The following ATP6V0D1 variants were observed in gnomAD, a reference collection of about 807,000 sequenced individuals.
ATP6V0D1 encodes the protein V-type proton ATPase subunit d 1.
In ATP6V0D1, 13 loss-of-function variants were observed where a neutral mutation model predicts 39.0. That is an observed-to-expected ratio of 0.33 (90% CI 0.22 to 0.53). The LOEUF is 0.53. Among genes scored for constraint, ATP6V0D1 ranks in the 20% least tolerant of loss-of-function variants. The pLI is 0.94. For synonymous variants in ATP6V0D1, 191 were observed against 191.2 expected (o/e 1.00, Z 0.01); for missense variants, 272 against 470.9 (o/e 0.58, Z 3.91).
chr16:67,480,823 C>G, intron 1 of ATP6V0D1, 134 bp downstream of exon 1: 4 of 1,309,424 alleles, frequency 3.1e-6, no homozygotes, highest in Admixed American at 4.8e-5. Context: ...CCTGCGCGTC[C>G]GCTATCAGCC....
intron 1 of ATP6V0D1, among the ~76,000 whole-genome samples, chr16:67,466,312 A>G (rs2041328700): frequency 6.9e-6 from 1 of 145,332 alleles, no homozygotes; most frequent in African/African-American, 2.6e-5. Context: ...GAAACCCTGT[A>G]TCTAGTAAAC....
intron 4 of ATP6V0D1, chr16:67,440,643 C>G (rs2041039259): frequency 6.6e-6 from 1 of 152,246 alleles, no homozygotes; most frequent in South Asian, 2.1e-4. Flanking sequence ...CATCAGCCAA[C>G]TTGGGCTCAC....
At chr16:67,457,633 C>G in intron 1 of ATP6V0D1, 1 of 1,289,442 alleles carries the variant, frequency 7.8e-7, no homozygotes. Context: ...TCTGGCATCC[C>G]TTGTGGCACC....
Position 67,453,967 on chromosome 16 carries a change from C to T in ATP6V0D1, c.131-252G>A, listed in dbSNP as rs755144014. On this transcript the variant is annotated intron_variant, in intron 1 of 7. Transcript: ENST00000290949. This position sits in a 1 kb window ranked among gnomAD's most constrained non-coding sequence, Gnocchi z 4.1. The stretch of plus-strand genomic sequence containing the variant: ...AGTTCGAGCATAAGAGGAACAGTTC[C>T]TCCCCAAGATGACAAGAAAGCCTGG... Among the ~76,000 whole-genome samples the T allele has an allele frequency of 1.3e-5, 2 of 152,212 alleles. No individual in the cohort carries two copies. Among genetic ancestry groups the T allele is most frequent in the Non-Finnish European group, 2.9e-5 (2 of 68,028 alleles).
At chr16:67,460,534 A>C (rs1010241276) in intron 1 of ATP6V0D1, among the ~76,000 whole-genome samples, 1 of 152,190 alleles carries the variant, frequency 6.6e-6, no homozygotes, top group Non-Finnish European at 1.5e-5. Context: ...CCTGCAGCAC[A>C]GTATGAGTGT....
At chr16:67,475,900 C>T (rs1378227513) in intron 1 of ATP6V0D1, among the ~76,000 whole-genome samples, 1 of 152,146 alleles carries the variant, frequency 6.6e-6, no homozygotes, top group Non-Finnish European at 1.5e-5. Flanking sequence ...GACTCTAGGT[C>T]TGGGTCAAGA....
intron 1 of ATP6V0D1, among the ~76,000 whole-genome samples, chr16:67,479,673 T>C (rs2041447583): frequency 6.6e-6 from 1 of 152,124 alleles, no homozygotes; most frequent in African/African-American, 2.4e-5. Flanking sequence ...CTCACGAAGT[T>C]TCTGACGAGA....
At chr16:67,479,341 G>A (rs2041443603) in intron 1 of ATP6V0D1, among the ~76,000 whole-genome samples, 2 of 151,696 alleles carry the variant, frequency 1.3e-5, no homozygotes, top group Non-Finnish European at 2.9e-5. Flanking sequence ...AGTCTCCCGA[G>A]TAGCTGGGAT....
Position 67,444,984 on chromosome 16 carries a change from A to G in ATP6V0D1, c.303-278T>C, listed in dbSNP as rs1261967199. ...CTGTGAGGGACTGGGACACGAGCTAACTACCCCACAGCATGAACAGTGTTC... is the reference window on the plus strand; with the variant it reads ...CTGTGAGGGACTGGGACACGAGCTAGCTACCCCACAGCATGAACAGTGTTC... On this transcript the variant is annotated intron_variant, in intron 2 of 7. Transcript: ENST00000290949. The surrounding 1 kb of genome is among the most constrained non-coding windows in gnomAD (Gnocchi z 4.8). 6.6e-6 allele frequency among the ~76,000 whole-genome samples: 1 copy of G among 152,222 alleles called. No individual in the cohort carries two copies.
intron 1 of ATP6V0D1, among the ~76,000 whole-genome samples, chr16:67,465,346 C>T (rs887526842): frequency 1.3e-5 from 2 of 152,232 alleles, no homozygotes; most frequent in Non-Finnish European, 2.9e-5. Flanking sequence ...ATGCCACATA[C>T]ATCCTACATG....
chr16:67,441,036 G>C (rs910767927), intron 4 of ATP6V0D1: 6 of 152,310 alleles, frequency 3.9e-5, no homozygotes, highest in Non-Finnish European at 8.8e-5. Context: ...CTTCCTATTT[G>C]TGGGGGAACC....
intron 1 of ATP6V0D1, among the ~76,000 whole-genome samples, chr16:67,471,622 C>T (rs2041373819): frequency 6.6e-6 from 1 of 152,062 alleles, no homozygotes; most frequent in African/African-American, 2.4e-5. Flanking sequence ...TAATTTTATA[C>T]AGATTAATCA....
At chr16:67,445,253 CG>C (rs2041102077) in intron 2 of ATP6V0D1, among the ~76,000 whole-genome samples, 3 of 152,098 alleles carry the variant, frequency 2.0e-5, no homozygotes, top group Non-Finnish European at 2.9e-5. Flanking sequence ...CTGCAGCAGG[CG>C]GGGGGCAGAG....
chr16:67,454,521 C>CA (rs2041217037), intron 1 of ATP6V0D1: 1 of 152,138 alleles, frequency 6.6e-6, no homozygotes, highest in Non-Finnish European at 1.5e-5. Context: ...AACCTAACAA[C>CA]AGTCTCCCAG....
At chr16:67,472,454 T>A (rs1470912548) in intron 1 of ATP6V0D1, among the ~76,000 whole-genome samples, 2 of 152,236 alleles carry the variant, frequency 1.3e-5, no homozygotes, top group East Asian at 3.8e-4. Flanking sequence ...TTCCTTTGGA[T>A]CACGTTTGAC....
At chr16:67,441,889 A>G (rs2041057125) in intron 4 of ATP6V0D1, among the ~76,000 whole-genome samples, 2 of 152,164 alleles carry the variant, frequency 1.3e-5, no homozygotes, top group African/African-American at 4.8e-5. Context: ...GGGCTTTCTG[A>G]GAAGACTCTG....
chr16:67,444,289 A>G lies in ATP6V0D1; in HGVS notation c.481+239T>C, dbSNP rs1328547702. 3.9e-5 allele frequency among the ~76,000 whole-genome samples: 6 copies of G among 152,216 alleles called. No homozygotes were observed. The highest frequency in any genetic ancestry group is 1.2e-4 in the African/African-American group (5 of 41,450). On this transcript the variant is annotated intron_variant, in intron 3 of 7. Transcript: ENST00000290949. The surrounding 1 kb of genome is among the most constrained non-coding windows in gnomAD (Gnocchi z 4.8). ...ATCAGACTGCTTCACAAAGTGAGAC[A>G]GTCCCAGTCAGGCCCTGGGTAGCCT...
At chr16:67,466,374 CACAA>C (rs1432701651) in intron 1 of ATP6V0D1, among the ~76,000 whole-genome samples, 35 of 128,228 alleles carry the variant, frequency 2.7e-4, no homozygotes, top group African/African-American at 8.0e-4. Context: ...CACACACACA[CACAA>C]AATTAGCCAG....
intron 6 of ATP6V0D1, 35 bp downstream of exon 6, chr16:67,438,936 C>T (rs1178768922): frequency 1.5e-5 from 25 of 1,613,462 alleles, no homozygotes; most frequent in African/African-American, 2.7e-5. Context: ...GGTGACAACA[C>T]ATCCAACCGC....
Sources: gnomAD v4.1 joint callset for allele counts (sites outside exome capture counted in the v4.1 genomes callset) on GRCh38, gnomAD v4.1.1 for gene constraint, Gnocchi (gnomAD v3.1) non-coding constraint, MANE v1.5 for transcripts, NCBI Gene and HGNC (gene_info 2026-07-23, HGNC 2026-07-21) for gene names.